Variants in NAA16 observed in about 807,000 individuals in gnomAD.
NAA16 encodes the protein NARG1-like protein.
NAA16 carries 97 observed loss-of-function variants against 110.3 expected under a neutral mutation model. That is an observed-to-expected ratio of 0.88 (90% CI 0.75 to 1.04). The LOEUF is 1.04. Among genes scored for constraint, NAA16 ranks in the 50% least tolerant of loss-of-function variants. The pLI is 0.00. For synonymous variants in NAA16, 372 were observed against 330.6 expected, an observed-to-expected ratio of 1.13 and a Z score of -1.36; for missense variants, 1,017 against 1,005.1, an observed-to-expected ratio of 1.01 and a Z score of -0.16.
rs140458056 is a variant in NAA16, at chr13:41,369,247, C to T, written c.1911C>T (p.Gly637=). 35 of 1,581,340 alleles carry T rather than the reference C, an allele frequency of 2.2e-5. No homozygotes were observed. In the East Asian group the frequency reaches 7.4e-4, roughly 33 times the overall value. Residue 637 remains glycine, a synonymous_variant, in exon 15 of 20, where the codon GGC becomes GGT. Transcript: ENST00000379406. ...ATGAAGAAGAAGAAGAAGCCAGTGG[C>T]CTTAAGGAAGAACTTATACCTGAAA... ...KRDEEEEEAS[G]LKEELIPEKL...
chr13:41,327,260 A>T (rs1377707058), intron 6 of NAA16, among the ~76,000 whole-genome samples: 5 of 151,938 alleles, frequency 3.3e-5, no homozygotes, highest in African/African-American at 1.2e-4. Flanking sequence ...ATAATTAAAT[A>T]TTCTGGTTTC....
chr13:41,324,363 C>CTTTTTTT (rs71086562), intron 5 of NAA16, among the ~76,000 whole-genome samples: 13 of 66,096 alleles, frequency 2.0e-4, no homozygotes, highest in Non-Finnish European at 2.9e-4. Flanking sequence ...TTCTTTCTTT[C>CTTTTTTT]TTTTTTTTTT....
rs1294684530 is a variant in NAA16 at position 41,358,330 on chromosome 13, A to G, written c.1114A>G (p.Thr372Ala). 5.6e-6 allele frequency: 9 copies of G among 1,613,950 alleles called. No individual in the cohort carries two copies. The highest frequency in any genetic ancestry group is 1.1e-5 in the South Asian group (1 of 91,052). Reference sequence around the variant, plus strand: ...GAATGGGGAGAAGGAACCCCCGACAACACTACTCTGGGTTCAGTATTTCCT... The same window carrying G: ...GAATGGGGAGAAGGAACCCCCGACAGCACTACTCTGGGTTCAGTATTTCCT... ...YENGEKEPPT[T>A]LLWVQYFLAQ... is the part of the protein sequence containing the mutation. The change falls in exon 11 of 20, where the codon ACA (threonine) becomes GCA (alanine). Residue 372 changes from threonine to alanine, a missense_variant. Physicochemically the swap from Thr to Ala is moderately conservative, Grantham distance 58. Transcript: ENST00000379406.
At chr13:41,324,468 C>G (rs1478074203) in intron 5 of NAA16, among the ~76,000 whole-genome samples, 3 of 144,772 alleles carry the variant, frequency 2.1e-5, no homozygotes, top group Non-Finnish European at 4.5e-5. Context: ...CTCCGCCTAC[C>G]AGGTTCAAGC....
At chr13:41,346,960 T>C (rs571078389) in intron 9 of NAA16, among the ~76,000 whole-genome samples, 57 of 152,284 alleles carry the variant, frequency 3.7e-4, no homozygotes, top group African/African-American at 1.3e-3. Flanking sequence ...GGCTCACGCC[T>C]GTAATCCCAG....
At chr13:41,334,651 T>C (rs1242463867) in intron 8 of NAA16, among the ~76,000 whole-genome samples, 5 of 152,142 alleles carry the variant, frequency 3.3e-5, no homozygotes, top group African/African-American at 9.7e-5. Flanking sequence ...GATGGATAAA[T>C]AATAAGTAAT....
chr13:41,372,569 A>C, intron 16 of NAA16, 163 bp from the exon 17 acceptor site: 2 of 985,422 alleles, frequency 2.0e-6, no homozygotes, highest in Non-Finnish European at 2.4e-6. Context: ...TTTTCTTTAG[A>C]AAGCCATAGT....
At chr13:41,362,499 A>G (rs2043133768) in intron 13 of NAA16, 1 of 355,834 alleles carries the variant, frequency 2.8e-6, no homozygotes, top group Non-Finnish European at 5.3e-6. Context: ...GCTGATGGCA[A>G]CCTCTTTCCC....
At position 41,373,175 on chromosome 13, in the gene NAA16, G is replaced by C. The variant is rs571962595; in HGVS notation, c.2155+345G>C. On this transcript the variant is annotated intron_variant, in intron 17 of 19. Transcript: ENST00000379406. ...TAGAAATTAGTGCATTTTTAGGCTA[G>C]GATGTATTTATATTCCAAAGGAAGA... 60 of 910,532 alleles carry C rather than the reference G, an allele frequency of 6.6e-5. No individual in the cohort carries two copies. In the African/African-American group the frequency reaches 1.0e-3, roughly 16 times the overall value. The allele number at this position is 910,532 out of a possible 1,614,324, so 56.4% of individuals were successfully genotyped here.
intron 8 of NAA16, among the ~76,000 whole-genome samples, chr13:41,336,159 A>G (rs2042375524): frequency 6.7e-6 from 1 of 148,818 alleles, no homozygotes; most frequent in Non-Finnish European, 1.5e-5. Context: ...GTTAAGTTCT[A>G]TTTAAAAAAA....
chr13:41,362,233 A>T (rs2043127150), intron 13 of NAA16, 74 bp downstream of exon 13: 1 of 1,465,822 alleles, frequency 6.8e-7, no homozygotes, highest in Admixed American at 2.5e-5. Flanking sequence ...ACACAGGATC[A>T]TCTGCCTCTT....
At chr13:41,345,821 G>C (rs1014898856) in intron 9 of NAA16, among the ~76,000 whole-genome samples, 2 of 152,130 alleles carry the variant, frequency 1.3e-5, no homozygotes, top group Non-Finnish European at 2.9e-5. Context: ...CAATCTGTTC[G>C]CCTCACCCTT....
intron 5 of NAA16, among the ~76,000 whole-genome samples, chr13:41,324,957 G>GTTTTTTTTTT (rs145690016): frequency 8.4e-6 from 1 of 119,432 alleles, no homozygotes; most frequent in Non-Finnish European, 1.6e-5. Flanking sequence ...TTTTAGTTTA[G>GTTTTTTTTTT]TTTTTTTTTT....
At position 41,337,964 on chromosome 13, in the gene NAA16, C is replaced by CA. The variant is rs1238573965; in HGVS notation, c.1014+1215dup. Among the ~76,000 whole-genome samples the CA allele has an allele frequency of 4.0e-5, 6 of 151,756 alleles. No individual in the cohort carries two copies. The East Asian group carries it at 5.8e-4, about 15-fold the overall frequency. On this transcript the variant is annotated intron_variant, in intron 9 of 19. Coordinates refer to ENST00000379406, the MANE Select transcript of NAA16 (RefSeq NM_024561.5). ...AAAACATCATTTATGTTAAAAAAAA[C>CA]AAAAAAACCCAAAAAACCCTTACAA... is the stretch of plus-strand genomic sequence containing the variant.
Position 41,358,974 on chromosome 13 carries a change from C to G in NAA16, c.1410+12C>G, listed in dbSNP as rs1160691458. 1.9e-6 allele frequency: 3 copies of G among 1,578,780 alleles called. No individual in the cohort carries two copies. The East Asian group carries it at 6.8e-5, about 36-fold the overall frequency. On this transcript the variant is annotated intron_variant, in intron 12 of 19. Transcript: ENST00000379406. ...CCAAGTTCACAAGGGTAGGAAATAG[C>G]ATGCATGAGCATGTAATTGTCTAAA...
At chr13:41,372,962 T>G in intron 17 of NAA16, 132 bp downstream of exon 17, 1 of 1,152,270 alleles carries the variant, frequency 8.7e-7, no homozygotes, top group Non-Finnish European at 1.1e-6. Context: ...ATTTGTATTT[T>G]CATGATACAA....
At chr13:41,324,327 G>T (rs985323973) in intron 5 of NAA16, among the ~76,000 whole-genome samples, 3 of 140,738 alleles carry the variant, frequency 2.1e-5, no homozygotes, top group Non-Finnish European at 3.1e-5. Context: ...ATGACATTTT[G>T]ATGGTTAGAT....
intron 9 of NAA16, among the ~76,000 whole-genome samples, chr13:41,354,295 G>A (rs2042922746): frequency 6.6e-6 from 1 of 152,168 alleles, no homozygotes; most frequent in Non-Finnish European, 1.5e-5. Flanking sequence ...GTGGCATGAG[G>A]AGTAATCCGG....
chr13:41,333,659 A>G (rs1268585822), intron 8 of NAA16, among the ~76,000 whole-genome samples: 7 of 152,164 alleles, frequency 4.6e-5, no homozygotes, highest in Non-Finnish European at 1.0e-4. Context: ...TAGGAAAGAA[A>G]GAAACCTCGC....
Sources: gnomAD v4.1 joint callset for allele counts (sites outside exome capture counted in the v4.1 genomes callset) on GRCh38, gnomAD v4.1.1 for gene constraint, MANE v1.5 for transcripts, NCBI Gene and HGNC (gene_info 2026-07-23, HGNC 2026-07-21) for gene names.